CWC27: variants seen among roughly 807,000 people sequenced by gnomAD.
CWC27 encodes CWC27 spliceosome associated cyclophilin.
A neutral mutation model predicts 63.6 loss-of-function variants in CWC27; 47 were observed. That is an observed-to-expected ratio of 0.74 (90% CI 0.58 to 0.94). The LOEUF (loss-of-function observed/expected upper bound fraction) is 0.94. CWC27 is among the 40% of genes least tolerant of loss of function. The pLI, the probability that CWC27 is intolerant of heterozygous loss-of-function variation, is 0.00. For synonymous variants in CWC27, 175 were observed against 179.8 expected, an observed-to-expected ratio of 0.97 and a Z score of 0.22; for missense variants, 495 against 554.3, an observed-to-expected ratio of 0.89 and a Z score of 1.07.
At chr5:64,942,688 C>T (rs372606661) in intron 11 of CWC27, among the ~76,000 whole-genome samples, 18 of 152,174 alleles carry the variant, frequency 1.2e-4, no homozygotes, top group Middle Eastern at 3.4e-3. Context: ...TTGCTTGTAA[C>T]GAGTAAGGAA....
At chr5:64,789,646 G>A (rs561455608) in intron 7 of CWC27, among the ~76,000 whole-genome samples, 2 of 152,118 alleles carry the variant, frequency 1.3e-5, no homozygotes, top group African/African-American at 4.8e-5. Flanking sequence ...TTTACATGTG[G>A]TTTTCTTCAA....
At chr5:64,997,548 G>C (rs749248056) in intron 13 of CWC27, among the ~76,000 whole-genome samples, 4 of 152,014 alleles carry the variant, frequency 2.6e-5, no homozygotes, top group Non-Finnish European at 4.4e-5. Context: ...ATATTTGACT[G>C]TTTTATGACC....
At chr5:64,918,089 A>G (rs1747925907) in intron 11 of CWC27, among the ~76,000 whole-genome samples, 1 of 152,178 alleles carries the variant, frequency 6.6e-6, no homozygotes, top group Admixed American at 6.5e-5. Context: ...TTTCAGTCCA[A>G]ACAGGGAAGG....
At chr5:64,847,013 A>G (rs969546892) in intron 10 of CWC27, among the ~76,000 whole-genome samples, 3 of 146,814 alleles carry the variant, frequency 2.0e-5, no homozygotes, top group East Asian at 2.1e-4. Flanking sequence ...AAAAAAAAAG[A>G]AAAAGGAAAT....
chr5:64,978,060 C>T (rs941284562), intron 13 of CWC27, among the ~76,000 whole-genome samples: 1 of 152,142 alleles, frequency 6.6e-6, no homozygotes, highest in Non-Finnish European at 1.5e-5. Context: ...GTTCTCTCTG[C>T]CAAACAGCAT....
intron 10 of CWC27, among the ~76,000 whole-genome samples, chr5:64,838,871 G>A (rs1745729733): frequency 6.6e-6 from 1 of 152,042 alleles, no homozygotes; most frequent in South Asian, 2.1e-4. Flanking sequence ...TTATACTCAG[G>A]TTTGAATGTA....
intron 13 of CWC27, among the ~76,000 whole-genome samples, chr5:64,985,615 C>T (rs568823326): frequency 1.3e-5 from 2 of 152,236 alleles, no homozygotes; most frequent in Non-Finnish European, 2.9e-5. Flanking sequence ...TGGCCTGGTA[C>T]CTGCAACATT....
Position 64,979,472 on chromosome 5 carries a change from G to A in CWC27, c.1256+2234G>A, listed in dbSNP as rs184783172. Among the ~76,000 whole-genome samples, 10 of 152,262 alleles carry A rather than the reference G, an allele frequency of 6.6e-5. No homozygotes were observed. The East Asian group carries it at 1.7e-3, about 26-fold the overall frequency. ...TATTGCAATTTAGACCTTGGATTTT[G>A]TAACCTGATAAGCAACAACATCATT... On this transcript the variant is annotated intron_variant, in intron 13 of 13. Coordinates refer to ENST00000381070, the MANE Select transcript of CWC27 (RefSeq NM_005869.4).
intron 13 of CWC27, among the ~76,000 whole-genome samples, chr5:64,988,162 AT>A (rs1258210124): frequency 6.6e-6 from 1 of 151,972 alleles, no homozygotes; most frequent in African/African-American, 2.4e-5. Context: ...TAAAACTTTT[AT>A]TTGTATTTAT....
chr5:64,973,969 T>G (rs905077270), intron 12 of CWC27, among the ~76,000 whole-genome samples: 1 of 151,820 alleles, frequency 6.6e-6, no homozygotes, highest in Non-Finnish European at 1.5e-5. Context: ...GCATGGTGAG[T>G]CACTCTTGTA....
intron 10 of CWC27, among the ~76,000 whole-genome samples, chr5:64,805,540 T>G (rs1287121313): frequency 1.3e-5 from 2 of 151,856 alleles, no homozygotes; most frequent in Non-Finnish European, 2.9e-5. Context: ...GGCATGTGTT[T>G]TCTGATTTTA....
chr5:64,827,936 T>C (rs530565592), intron 10 of CWC27, among the ~76,000 whole-genome samples: 2 of 152,282 alleles, frequency 1.3e-5, no homozygotes, highest in East Asian at 3.9e-4. Context: ...CTTTGTGCAA[T>C]GTATCCATGC....
chr5:64,769,951 G>A (rs1465769247), intron 1 of CWC27, among the ~76,000 whole-genome samples: 1 of 152,086 alleles, frequency 6.6e-6, no homozygotes, highest in African/African-American at 2.4e-5. Flanking sequence ...AGTCTGTTGT[G>A]GAATAAGTGT....
chr5:64,976,060 T>C (rs1266960063), intron 12 of CWC27, among the ~76,000 whole-genome samples: 1 of 152,132 alleles, frequency 6.6e-6, no homozygotes, highest in Non-Finnish European at 1.5e-5. Flanking sequence ...ACAGCGAGAC[T>C]CTGTCTCAAA....
chr5:64,977,199 A>G lies in CWC27; in HGVS notation c.1217A>G (p.Asn406Ser), dbSNP rs1333138093. 1.2e-6 allele frequency: 2 copies of G among 1,612,516 alleles called. No homozygotes were observed. The highest frequency in any genetic ancestry group is 1.7e-6 in the Non-Finnish European group (2 of 1,179,022). ...CAAGCAATTGCTGAAACGCCTGAAA[A>G]TGACATTCCTGAAACAGAAGTAGAA... ...LTQAIAETPENDIPETEVEDD... is the reference protein window; with the variant it reads ...LTQAIAETPESDIPETEVEDD... Residue 406 changes from asparagine to serine, a missense_variant, in exon 13 of 14, where the codon AAT becomes AGT. By Grantham distance (46) the Asn-to-Ser change is conservative. This residue lies in a region of CWC27 where 463 missense variants were observed against 498.1 expected (regional missense o/e 0.93). Coordinates refer to ENST00000381070, the MANE Select transcript of CWC27 (RefSeq NM_005869.4).
chr5:64,969,321 AT>A (rs1219696124), intron 11 of CWC27, among the ~76,000 whole-genome samples: 8 of 152,174 alleles, frequency 5.3e-5, no homozygotes, highest in Non-Finnish European at 1.5e-5. Context: ...TCTCTTTTGC[AT>A]TTTTTTAACC....
At chr5:64,965,996 G>A (rs1749006166) in intron 11 of CWC27, among the ~76,000 whole-genome samples, 1 of 152,220 alleles carries the variant, frequency 6.6e-6, no homozygotes, top group South Asian at 2.1e-4. Flanking sequence ...TATAAAAAGA[G>A]TGTTTGGTTT....
chr5:64,825,962 C>G (rs895334635), intron 10 of CWC27, among the ~76,000 whole-genome samples: 6 of 152,224 alleles, frequency 3.9e-5, no homozygotes, highest in African/African-American at 1.4e-4. Flanking sequence ...TGAATAGTAG[C>G]TTCAGTTCAT....
At chr5:64,971,949 G>T (rs1749134185) in intron 12 of CWC27, 137 bp downstream of exon 12, 2 of 471,210 alleles carry the variant, frequency 4.2e-6, no homozygotes, top group Admixed American at 4.1e-5. Flanking sequence ...TATTTATATA[G>T]GGTGGACATT....
Sources: gnomAD v4.1 joint callset for allele counts (sites outside exome capture counted in the v4.1 genomes callset) on GRCh38, gnomAD v4.1.1 for gene constraint, gnomAD v4.1.1 regional missense constraint, MANE v1.5 for transcripts, NCBI Gene and HGNC (gene_info 2026-07-23, HGNC 2026-07-21) for gene names.